LRIG2: variants seen among roughly 807,000 people sequenced by gnomAD.
LRIG2 encodes leucine rich repeats and immunoglobulin like domains 2.
LRIG2 carries 93 observed loss-of-function variants against 107.8 expected under a neutral mutation model. That is an observed-to-expected ratio of 0.86 (90% CI 0.73 to 1.03). The LOEUF is 1.03. Ranked by LOEUF, LRIG2 falls within the 50% of genes least tolerant of loss-of-function variation. LRIG2 has a pLI of 0.00. For synonymous variants in LRIG2, 471 were observed against 470.6 expected (o/e 1.00, Z -0.01); for missense variants, 1,226 against 1,296.0 (o/e 0.95, Z 0.83).
intron 1 of LRIG2, among the ~76,000 whole-genome samples, chr1:113,084,541 G>T (rs1253314006): frequency 6.6e-6 from 1 of 152,086 alleles, no homozygotes. Context: ...ATTATTTTCT[G>T]CTTTGAAGGA....
At chr1:113,115,533 T>A (rs1442809529) in intron 15 of LRIG2, among the ~76,000 whole-genome samples, 2 of 151,242 alleles carry the variant, frequency 1.3e-5, no homozygotes, top group African/African-American at 2.4e-5. Context: ...TTGTAAATTT[T>A]TTTTTTTTTT....
chr1:113,094,834 T>C, intron 6 of LRIG2, 79 bp downstream of exon 6: 2 of 1,394,052 alleles, frequency 1.4e-6, no homozygotes, highest in Non-Finnish European at 2.0e-6. Context: ...CTAGGGTAGT[T>C]GTTCTGATTA....
intron 15 of LRIG2, 72 bp from the exon 16 acceptor site, chr1:113,116,215 A>T: frequency 7.2e-7 from 1 of 1,381,372 alleles, no homozygotes; most frequent in Non-Finnish European, 1.0e-6. Flanking sequence ...AGTGGAACAC[A>T]TTTGCAAAAT....
rs181566626 is a variant in LRIG2 at position 113,122,966 on chromosome 1, T to C, written c.2972-909T>C. ...TAAAATGTACCCTATGAAGTTAATA[T>C]AACTTTCAGTAAACAGTCTTTGGGA... On this transcript the variant is annotated intron_variant, in intron 17 of 17. Coordinates refer to ENST00000361127, the MANE Select transcript of LRIG2 (RefSeq NM_014813.3). Among the ~76,000 whole-genome samples, 26 of 152,372 alleles carry C rather than the reference T, an allele frequency of 1.7e-4. No homozygotes were observed. In the East Asian group the frequency reaches 4.2e-3, roughly 25 times the overall value.
chr1:113,112,483 G>T lies in LRIG2; in HGVS notation c.1803G>T (p.Met601Ile), dbSNP rs1297945831. The change falls in exon 14 of 18, where the codon ATG becomes ATT. Residue 601 changes from methionine to isoleucine, a missense_variant. This residue lies in a region of LRIG2 where 642 missense variants were observed against 712.2 expected (regional missense o/e 0.90). Coordinates refer to ENST00000361127, the MANE Select transcript of LRIG2 (RefSeq NM_014813.3). ...SQKAKLTVNEMPSFLKTPMDL... is the reference protein window; with the variant it reads ...SQKAKLTVNEIPSFLKTPMDL... ...TGGTGATTTTTCTGGAAACAGAGAT[G>T]CCATCTTTTCTGAAAACGCCAATGG... 1 of 1,596,690 alleles carries T rather than the reference G, an allele frequency of 6.3e-7. No homozygotes were observed. Among genetic ancestry groups the T allele is most frequent in the African/African-American group, 1.3e-5 (1 of 74,444 alleles).
At position 113,073,656 on chromosome 1, in the gene LRIG2, C is replaced by A; in HGVS notation, c.239+11C>A. On this transcript the variant is annotated intron_variant, in intron 1 of 17. Coordinates refer to ENST00000361127, the MANE Select transcript of LRIG2 (RefSeq NM_014813.3). ...CGACACCGCTATCCTGTGAGTAGAG[C>A]GGCCAGGCAGAGTGACCAAAAGGAG... 1 of 1,604,204 alleles carries A rather than the reference C, an allele frequency of 6.2e-7. No individual in the cohort carries two copies. The highest frequency in any genetic ancestry group is 8.5e-7 in the Non-Finnish European group (1 of 1,175,190).
rs1333836658 is a variant in LRIG2 at position 113,114,688 on chromosome 1, T to G, written c.2342T>G (p.Leu781Arg). 3.7e-6 allele frequency: 6 copies of G among 1,614,060 alleles called. No homozygotes were observed. The highest frequency in any genetic ancestry group is 5.1e-6 in the Non-Finnish European group (6 of 1,180,046). The change falls in exon 15 of 18, where the codon CTA becomes CGA. Residue 781 changes from leucine to arginine, a missense_variant. By Grantham distance (102) the Leu-to-Arg change is moderately radical. Coordinates refer to ENST00000361127, the MANE Select transcript of LRIG2 (RefSeq NM_014813.3). Reference protein sequence around the residue: ...TLGTERGHIYLNVISSPNCDS... With the variant: ...TLGTERGHIYRNVISSPNCDS... ...GGGACAGAACGTGGCCACATTTACC[T>G]AAATGTCATTTCATCCCCCAATTGT...
chr1:113,079,671 CAA>C (rs568909236), intron 1 of LRIG2, among the ~76,000 whole-genome samples: 3 of 73,434 alleles, frequency 4.1e-5, no homozygotes, highest in Non-Finnish European at 2.8e-5. Context: ...GACTCCATCT[CAA>C]AAAAAAAAAA....
rs1168115837 is a variant in LRIG2, at chr1:113,112,554, C to G, written c.1874C>G (p.Ala625Gly). ...TGAMARLECAAEGHPAPQISW... is the reference protein window; with the variant it reads ...TGAMARLECAGEGHPAPQISW... ...GCCATGGCCAGATTAGAATGTGCTG[C>G]AGAGGGACACCCTGCACCTCAGATT... Residue 625 changes from alanine (A) to glycine (G), a missense_variant, in exon 14 of 18, where the codon GCA (alanine) becomes GGA (glycine). Transcript: ENST00000361127. 6.2e-7 allele frequency: 1 copy of G among 1,614,048 alleles called. No homozygotes were observed. Among genetic ancestry groups the G allele is most frequent in the Admixed American group, 1.7e-5 (1 of 60,002 alleles).
chr1:113,118,960 G>A (rs543781356), intron 16 of LRIG2, among the ~76,000 whole-genome samples: 11 of 152,274 alleles, frequency 7.2e-5, no homozygotes, highest in Admixed American at 5.9e-4. Context: ...CACCGCACCC[G>A]GTAGCGGTAT....
chr1:113,104,052 G>C (rs971416731), intron 11 of LRIG2, among the ~76,000 whole-genome samples: 6 of 152,068 alleles, frequency 3.9e-5, no homozygotes, highest in African/African-American at 1.4e-4. Flanking sequence ...TAACTATATT[G>C]CTCCACCACT....
intron 11 of LRIG2, 193 bp downstream of exon 11, chr1:113,100,681 G>A (rs1000273635): frequency 6.7e-6 from 3 of 449,230 alleles, no homozygotes; most frequent in South Asian, 3.4e-5. Context: ...AGCCCAGAGT[G>A]TGTGGCACCA....
At chr1:113,110,667 T>C (rs1426591493) in intron 13 of LRIG2, 105 bp downstream of exon 13, 1 of 823,564 alleles carries the variant, frequency 1.2e-6, no homozygotes, top group Non-Finnish European at 1.9e-6. Flanking sequence ...TAAGTAGGAC[T>C]CTTACTGTTA....
At chr1:113,084,803 A>T (rs1326468388) in intron 1 of LRIG2, among the ~76,000 whole-genome samples, 4 of 152,242 alleles carry the variant, frequency 2.6e-5, no homozygotes, top group Non-Finnish European at 4.4e-5. Context: ...TTGAGAAAAG[A>T]TCACATCATA....
rs1363522652 is a variant in LRIG2 at position 113,130,178 on chromosome 1, A to AC, written c.*6081dup. The AC allele has an allele frequency of 6.6e-6, 1 of 151,948 alleles. No individual in the cohort carries two copies. The highest frequency in any genetic ancestry group is 1.5e-5 in the Non-Finnish European group (1 of 68,008). 9.4% of individuals were successfully genotyped at this position (151,948 alleles called of 1,614,324 possible). ...AGGGATTATAGGCATGAGCCACCGC[A>AC]CCCCGCAGTACTTTCCCTCGTATAC... On this transcript the variant is annotated 3_prime_UTR_variant, in exon 18 of 18. Coordinates refer to ENST00000361127, the MANE Select transcript of LRIG2 (RefSeq NM_014813.3).
intron 17 of LRIG2, among the ~76,000 whole-genome samples, chr1:113,122,904 T>C (rs774699242): frequency 9.9e-5 from 15 of 152,242 alleles, no homozygotes; most frequent in Non-Finnish European, 1.9e-4. Flanking sequence ...TTTTTATTTC[T>C]GGGTATTTGT....
intron 1 of LRIG2, among the ~76,000 whole-genome samples, chr1:113,089,140 T>C (rs1653683322): frequency 6.6e-6 from 1 of 152,240 alleles, no homozygotes; most frequent in Non-Finnish European, 1.5e-5. Flanking sequence ...GATAGAGACA[T>C]TATTCAAACC....
rs1382580532 is a variant in LRIG2, at chr1:113,073,502, C to T, written c.96C>T (p.Leu32=). 13 of 1,614,172 alleles carry T rather than the reference C, an allele frequency of 8.1e-6. No individual in the cohort carries two copies. The highest frequency in any genetic ancestry group is 1.1e-5 in the Non-Finnish European group (13 of 1,179,998). ...TACTCTTCATTGCCCAGACCGCTCT[C>T]CTCCTGTTGCCCGCCGCCGGAGCAG... ...SRLLFIAQTA[L]LLLPAAGAGL... is the part of the protein sequence containing the mutation. The change falls in exon 1 of 18, where the codon CTC becomes CTT. Residue 32 remains leucine, a synonymous_variant. Transcript: ENST00000361127.
intron 1 of LRIG2, among the ~76,000 whole-genome samples, chr1:113,089,723 C>G (rs543113431): frequency 1.8e-5 from 2 of 113,470 alleles, no homozygotes; most frequent in African/African-American, 6.1e-5. Context: ...GCTTTGTCAC[C>G]GAGGCTGGAG....
Sources: allele counts gnomAD v4.1 joint callset (sites outside exome capture counted in the v4.1 genomes callset), GRCh38; gene constraint gnomAD v4.1.1; regional missense constraint gnomAD v4.1.1; transcripts MANE v1.5; gene names NCBI Gene and HGNC (gene_info 2026-07-23, HGNC 2026-07-21).